KATNIP: variants seen among roughly 807,000 people sequenced by gnomAD.
The protein encoded by KATNIP is katanin-interacting protein.
A neutral mutation model predicts 174.0 loss-of-function variants in KATNIP; 126 were observed. The ratio of observed to expected loss-of-function variants is 0.72; its 90% CI spans 0.63 to 0.84. KATNIP has a LOEUF of 0.84. KATNIP is among the 40% of genes least tolerant of loss of function. The pLI is 0.00. For synonymous variants in KATNIP, 810 were observed against 835.7 expected, an observed-to-expected ratio of 0.97 and a Z score of 0.53; for missense variants, 1,958 against 2,109.7, an observed-to-expected ratio of 0.93 and a Z score of 1.41.
chr16:27,654,847 A>C (rs1455574282), intron 6 of KATNIP: 4 of 1,036,538 alleles, frequency 3.9e-6, no homozygotes, highest in Non-Finnish European at 5.3e-6. Flanking sequence ...GGAAAACCAC[A>C]GGGCGGGCAC....
chr16:27,671,920 G>A (rs1226229453), intron 6 of KATNIP, among the ~76,000 whole-genome samples: 2 of 152,124 alleles, frequency 1.3e-5, no homozygotes, highest in African/African-American at 4.8e-5. Context: ...GCCGGGTGTG[G>A]TGGCGGGCGC....
chr16:27,663,674 C>T (rs2077596550), intron 6 of KATNIP, among the ~76,000 whole-genome samples: 1 of 150,166 alleles, frequency 6.7e-6, no homozygotes, highest in South Asian at 2.1e-4. Flanking sequence ...GGCCAGGCTG[C>T]TCTCGAATTC....
At position 27,740,067 on chromosome 16, in the gene KATNIP, G is replaced by A. The variant is rs2081044621; in HGVS notation, c.1770G>A (p.Val590=). ...ATCTTGACATTGGTGCCAAGAACGT[G>A]AAGCTTTACGTCAACAGAAACCTCA... ...DGDLDIGAKN[V]KLYVNRNLIF... Residue 590 remains valine (V), a synonymous_variant, in exon 15 of 28, where the codon GTG becomes GTA. Coordinates refer to ENST00000261588, the MANE Select transcript of KATNIP (RefSeq NM_015202.5). The A allele has an allele frequency of 2.5e-6, 4 of 1,613,068 alleles. No individual in the cohort carries two copies. The East Asian group carries it at 8.9e-5, about 36-fold the overall frequency.
At chr16:27,678,328 G>GT (rs958679784) in intron 7 of KATNIP, among the ~76,000 whole-genome samples, 4 of 152,118 alleles carry the variant, frequency 2.6e-5, no homozygotes, top group Non-Finnish European at 5.9e-5. Flanking sequence ...TAACTGAAAG[G>GT]TTCTGAGATG....
intron 8 of KATNIP, among the ~76,000 whole-genome samples, chr16:27,696,710 A>G (rs1037544287): frequency 1.3e-5 from 2 of 150,462 alleles, no homozygotes; most frequent in African/African-American, 2.4e-5. Flanking sequence ...GGTGTATTCT[A>G]TAGTATTCCA....
At chr16:27,735,859 A>AAGG (rs2080877686) in intron 14 of KATNIP, among the ~76,000 whole-genome samples, 1 of 152,334 alleles carries the variant, frequency 6.6e-6, no homozygotes, top group South Asian at 2.1e-4. Context: ...ATCAGAAGCC[A>AAGG]AGGCAACACG....
chr16:27,619,597 G>A (rs1306939348), intron 3 of KATNIP, among the ~76,000 whole-genome samples: 1 of 152,138 alleles, frequency 6.6e-6, no homozygotes, highest in Non-Finnish European at 1.5e-5. Flanking sequence ...GTGGCATGTT[G>A]CATGGGACAA....
At chr16:27,687,704 G>T (rs536338844) in intron 8 of KATNIP, among the ~76,000 whole-genome samples, 49 of 152,318 alleles carry the variant, frequency 3.2e-4, no homozygotes, top group Admixed American at 6.5e-4. Flanking sequence ...AAAGTTTACT[G>T]TCCAAGTTGT....
intron 13 of KATNIP, among the ~76,000 whole-genome samples, chr16:27,716,362 G>C (rs1280757384): frequency 6.6e-6 from 1 of 152,122 alleles, no homozygotes. Flanking sequence ...TGGTGAAAAT[G>C]TACTGGAAGA....
Position 27,749,947 on chromosome 16 carries a change from T to C in KATNIP, c.2987T>C (p.Ile996Thr). The change falls in exon 16 of 28, where the codon ATA (isoleucine) becomes ACA (threonine). Residue 996 changes from isoleucine to threonine, a missense_variant. Around this residue, in one of 3 missense-constraint regions of KATNIP, gnomAD observed 1,557 missense variants for 1,617.8 expected, o/e 0.96. Coordinates refer to ENST00000261588, the MANE Select transcript of KATNIP (RefSeq NM_015202.5). ...AGACACTATGTCGGCCTCAACGGAA[T>C]AGAAATATTCAGTTCCAAGGGTGAA... The part of the protein sequence containing the change: ...GDRHYVGLNG[I>T]EIFSSKGEPV... 1 of 1,614,166 alleles carries C rather than the reference T, an allele frequency of 6.2e-7. No homozygotes were observed. The highest frequency in any genetic ancestry group is 1.1e-5 in the South Asian group (1 of 91,090).
chr16:27,677,281 A>G (rs964204593), intron 6 of KATNIP, among the ~76,000 whole-genome samples: 4 of 152,180 alleles, frequency 2.6e-5, no homozygotes, highest in African/African-American at 9.7e-5. Context: ...TTGGGAGTTC[A>G]TATTTCAAAG....
In KATNIP at chr16:27,695,001, G is replaced by A. The variant is rs78031350; in HGVS notation, c.941-3327G>A. 1.6e-3 allele frequency among the ~76,000 whole-genome samples: 237 copies of A among 152,104 alleles called. 2 individuals are homozygous for A. In the East Asian group the frequency reaches 0.038, roughly 24 times the overall value. On this transcript the variant is annotated intron_variant, in intron 8 of 27. Transcript: ENST00000261588. ...CCACAGCTCAGCTGAAAGCAACCCC[G>A]TCTTCTACTTCAAGCCATCACTCGT... is the stretch of plus-strand genomic sequence containing the variant.
In KATNIP at chr16:27,628,892, G is replaced by A. The variant is rs529701555; in HGVS notation, c.310+62G>A. ...TTAATCAAAATTAATTAGGGGCAGG[G>A]TGCAGTGGCTCACACCTGTAATCAC... On this transcript the variant is annotated intron_variant, in intron 4 of 27. Transcript: ENST00000261588. The A allele has an allele frequency of 1.6e-4, 240 of 1,544,334 alleles. 1 individual carries two copies. The highest frequency in any genetic ancestry group is 1.7e-4 in the Admixed American group (10 of 59,286).
In KATNIP at chr16:27,619,087, G is replaced by A. The variant is rs575188433; in HGVS notation, c.140+586G>A. Among the ~76,000 whole-genome samples, 14 of 152,340 alleles carry A rather than the reference G, an allele frequency of 9.2e-5. No individual in the cohort carries two copies. The East Asian group carries it at 2.7e-3, about 29-fold the overall frequency. ...TTGGTTCCTTTGTAGGGCTGAGGAAGTTCATTTTCAGTTCACCGCAGTTTG... is the reference window on the plus strand; with the variant it reads ...TTGGTTCCTTTGTAGGGCTGAGGAAATTCATTTTCAGTTCACCGCAGTTTG... On this transcript the variant is annotated intron_variant, in intron 3 of 27. Transcript: ENST00000261588.
intron 2 of KATNIP, among the ~76,000 whole-genome samples, chr16:27,576,986 G>A (rs1446772584): frequency 6.6e-6 from 1 of 152,180 alleles, no homozygotes; most frequent in South Asian, 2.1e-4. Context: ...TTTCCAGCCT[G>A]GGTTGGGATC....
At chr16:27,621,856 G>A (rs527494186) in intron 3 of KATNIP, among the ~76,000 whole-genome samples, 1 of 151,960 alleles carries the variant, frequency 6.6e-6, no homozygotes, top group South Asian at 2.1e-4. Context: ...ACAACATCAA[G>A]GGGATGCTGC....
At chr16:27,552,598 C>T (rs1232940612) in intron 1 of KATNIP, among the ~76,000 whole-genome samples, 2 of 151,462 alleles carry the variant, frequency 1.3e-5, no homozygotes, top group Non-Finnish European at 2.9e-5. Context: ...TGGTCGCAAA[C>T]TCCTGACCTC....
intron 4 of KATNIP, among the ~76,000 whole-genome samples, chr16:27,629,231 G>A (rs768768656): frequency 2.0e-5 from 3 of 151,444 alleles, no homozygotes; most frequent in Non-Finnish European, 2.9e-5. Flanking sequence ...ACGAACACAA[G>A]TTAACTACAC....
At chr16:27,607,637 A>C (rs1596899500) in intron 2 of KATNIP, among the ~76,000 whole-genome samples, 1 of 127,782 alleles carries the variant, frequency 7.8e-6, no homozygotes, top group African/African-American at 3.1e-5. Context: ...TCACTCTGTC[A>C]CCCAGGCTGG....
Sources: allele counts gnomAD v4.1 joint callset (sites outside exome capture counted in the v4.1 genomes callset), GRCh38; gene constraint gnomAD v4.1.1; regional missense constraint gnomAD v4.1.1; transcripts MANE v1.5; gene names NCBI Gene and HGNC (gene_info 2026-07-23, HGNC 2026-07-21).